The following SUMF1 variants were observed in gnomAD, a reference collection of about 807,000 sequenced individuals.
The protein encoded by SUMF1 is formylglycine-generating enzyme.
A neutral mutation model predicts 47.6 loss-of-function variants in SUMF1; 48 were observed. The observed-to-expected ratio is 1.01, with a 90% confidence interval of 0.80 to 1.28. SUMF1 has a LOEUF of 1.28. SUMF1 is among the 50% of genes most tolerant of loss of function. The pLI is 0.00. For synonymous variants in SUMF1, 230 were observed against 192.1 expected (o/e 1.20, Z -1.63); for missense variants, 571 against 485.4 (o/e 1.18, Z -1.66).
intron 8 of SUMF1, among the ~76,000 whole-genome samples, chr3:4,341,623 T>C (rs1178368848): frequency 6.6e-6 from 1 of 152,234 alleles, no homozygotes; most frequent in Non-Finnish European, 1.5e-5. Flanking sequence ...CACTTGTCAT[T>C]TGAAATAGTT....
At chr3:4,293,309 C>G (rs1171334073) in intron 8 of SUMF1, among the ~76,000 whole-genome samples, 1 of 152,094 alleles carries the variant, frequency 6.6e-6, no homozygotes, top group Non-Finnish European at 1.5e-5. Context: ...GCAAAGAAAG[C>G]TCAATTTCCC....
At chr3:4,407,336 C>T (rs1575183935) in intron 7 of SUMF1, among the ~76,000 whole-genome samples, 1 of 152,202 alleles carries the variant, frequency 6.6e-6, no homozygotes, top group East Asian at 1.9e-4. Context: ...TTCCCAAGCT[C>T]TCTGAAGAAG....
intron 6 of SUMF1, among the ~76,000 whole-genome samples, chr3:4,415,796 G>C (rs909214807): frequency 6.6e-6 from 1 of 152,166 alleles, no homozygotes; most frequent in African/African-American, 2.4e-5. Context: ...CTGAGTGACA[G>C]AGTGAGACTC....
chr3:4,062,156 A>G (rs998512187), intron 9 of SUMF1, among the ~76,000 whole-genome samples: 2 of 152,032 alleles, frequency 1.3e-5, no homozygotes, highest in Admixed American at 6.6e-5. Flanking sequence ...CCCAGAAAAA[A>G]CAAACTCCTG....
At chr3:4,462,665 G>T (rs2079844063) in intron 1 of SUMF1, among the ~76,000 whole-genome samples, 1 of 152,042 alleles carries the variant, frequency 6.6e-6, no homozygotes. Flanking sequence ...AACATTAAAA[G>T]CTAAAGGCTC....
intron 7 of SUMF1, among the ~76,000 whole-genome samples, chr3:4,409,934 T>G (rs559373144): frequency 2.6e-5 from 4 of 152,340 alleles, no homozygotes; most frequent in Admixed American, 1.3e-4. Flanking sequence ...TAATCCTATA[T>G]TGAGAAGATA....
chr3:4,442,485 T>C (rs1228883680), intron 3 of SUMF1, among the ~76,000 whole-genome samples: 1 of 151,456 alleles, frequency 6.6e-6, no homozygotes, highest in Non-Finnish European at 1.5e-5. Context: ...GGTCTCGATC[T>C]CCTGACCTCG....
rs561779222 is a variant in SUMF1, at chr3:4,110,736, C to A, written c.1015-41991G>T. ...GAAACCATCATTCTCAGCAATCTAT[C>A]GCAAGGACAAAAAACCAAACACCGC... On this transcript the variant is annotated intron_variant and NMD_transcript_variant, in intron 8 of 12. Transcript: ENST00000448413. Among the ~76,000 whole-genome samples, 184 of 151,066 alleles carry A rather than the reference C, an allele frequency of 1.2e-3. 5 individuals are homozygous for A. Among genetic ancestry groups the A allele is most frequent in the South Asian group, 5.7e-3 (27 of 4,766 alleles).
chr3:4,249,298 G>A (rs1696739817), intron 8 of SUMF1, among the ~76,000 whole-genome samples: 1 of 152,006 alleles, frequency 6.6e-6, no homozygotes, highest in Admixed American at 6.6e-5. Context: ...TCACTTTATT[G>A]TGTTTCACAG....
At chr3:4,288,312 C>T (rs1697675853) in intron 8 of SUMF1, among the ~76,000 whole-genome samples, 1 of 152,172 alleles carries the variant, frequency 6.6e-6, no homozygotes, top group Non-Finnish European at 1.5e-5. Context: ...AAAATGTCAT[C>T]AGCTTTAGGC....
rs2125124363 is a variant in SUMF1 at position 4,449,335 on chromosome 3, C to T, written c.450G>A (p.Glu150=). The change falls in exon 3 of 9, where the codon GAG becomes GAA. Residue 150 remains glutamate, a synonymous_variant. Coordinates refer to ENST00000272902, the MANE Select transcript of SUMF1 (RefSeq NM_182760.4). ...CAAAGACAAAGGAGTCGCCAAACTT[C>T]TCAGCCTATAAGGAAGGTAGGAAAT... ...VNSTGYLTEA[E]KFGDSFVFEG... The T allele has an allele frequency of 6.2e-7, 1 of 1,614,170 alleles. No individual in the cohort carries two copies.
chr3:4,274,141 T>C lies in SUMF1; in HGVS notation c.1014+102189A>G, dbSNP rs1166219396. Among the ~76,000 whole-genome samples, 5 of 152,068 alleles carry C rather than the reference T, an allele frequency of 3.3e-5. No individual in the cohort carries two copies. In the South Asian group the frequency reaches 1.0e-3, roughly 32 times the overall value. On this transcript the variant is annotated intron_variant and NMD_transcript_variant, in intron 8 of 12. Transcript: ENST00000448413. ...CAAACAAACAAACCACTCTAAGATA[T>C]ACACTTTCAATGTATGTCTAAAATC...
Position 4,361,855 on chromosome 3 carries a change from C to T in SUMF1, c.*289G>A, listed in dbSNP as rs1037450004. The T allele has an allele frequency of 1.2e-5, 5 of 413,336 alleles. No homozygotes were observed. The highest frequency in any genetic ancestry group is 2.2e-5 in the South Asian group (1 of 45,218). 25.6% of individuals were successfully genotyped at this position (413,336 alleles called of 1,614,324 possible). A position where few individuals can be genotyped will look rare whatever the true frequency, so the allele number is the denominator to read the frequency against. ...CCTGTGGCAGAGCCTGCGTAGGACG[C>T]GGGCCTCCTGAAGCCTAGCTCAGGG... On this transcript the variant is annotated 3_prime_UTR_variant, in exon 9 of 9. Transcript: ENST00000272902.
chr3:4,354,047 G>A (rs1435620828), intron 8 of SUMF1, among the ~76,000 whole-genome samples: 2 of 151,966 alleles, frequency 1.3e-5, no homozygotes, highest in African/African-American at 4.8e-5. Flanking sequence ...TAGAGATGGG[G>A]TCTCACTATG....
At chr3:4,196,165 G>C (rs1030977670) in intron 8 of SUMF1, among the ~76,000 whole-genome samples, 1 of 152,084 alleles carries the variant, frequency 6.6e-6, no homozygotes, top group Non-Finnish European at 1.5e-5. Flanking sequence ...GCATGCAGTT[G>C]TTAGTTCTGG....
At chr3:4,313,308 C>G (rs1412117745) in intron 8 of SUMF1, 2 of 1,613,932 alleles carry the variant, frequency 1.2e-6, no homozygotes, top group Middle Eastern at 1.7e-4. Context: ...CAAAATCCGA[C>G]TCCAATTACA....
At chr3:4,348,567 T>G (rs1699420918) in intron 8 of SUMF1, among the ~76,000 whole-genome samples, 1 of 151,816 alleles carries the variant, frequency 6.6e-6, no homozygotes, top group Non-Finnish European at 1.5e-5. Flanking sequence ...CCCAAAACCA[T>G]AAAAACCTCA....
intron 8 of SUMF1, among the ~76,000 whole-genome samples, chr3:4,197,180 C>T (rs764988526): frequency 6.6e-6 from 1 of 152,120 alleles, no homozygotes; most frequent in Non-Finnish European, 1.5e-5. Context: ...GTGGCACGAT[C>T]ACAGCTCACT....
intron 3 of SUMF1, among the ~76,000 whole-genome samples, chr3:4,433,037 T>C (rs1156510761): frequency 6.6e-6 from 1 of 152,232 alleles, no homozygotes; most frequent in Non-Finnish European, 1.5e-5. Context: ...TAAGATTTTT[T>C]GCCAGATAAT....
Sources: allele counts gnomAD v4.1 joint callset (sites outside exome capture counted in the v4.1 genomes callset), GRCh38; gene constraint gnomAD v4.1.1; transcripts MANE v1.5; gene names NCBI Gene and HGNC (gene_info 2026-07-23, HGNC 2026-07-21).